The following CCDC81 variants were observed in gnomAD, a reference collection of about 807,000 sequenced individuals.
CCDC81 encodes coiled-coil domain-containing protein 81.
Under a neutral mutation model 83.7 loss-of-function variants are expected in CCDC81, and 79 were observed. The ratio of observed to expected loss-of-function variants is 0.94; its 90% CI spans 0.79 to 1.14. The LOEUF (loss-of-function observed/expected upper bound fraction) is 1.14. Ranked by LOEUF, CCDC81 falls within the 50% of genes most tolerant of loss-of-function variation. The probability of loss-of-function intolerance (pLI) is 0.00; values close to 1 mark genes in which losing one functional copy is unlikely to be tolerated. For synonymous variants in CCDC81, 252 were observed against 278.1 expected (o/e 0.91, Z 0.93); for missense variants, 791 against 778.1 (o/e 1.02, Z -0.20).
chr11:86,409,969 G>A (rs544490297), intron 10 of CCDC81, among the ~76,000 whole-genome samples: 2 of 152,280 alleles, frequency 1.3e-5, no homozygotes, highest in African/African-American at 4.8e-5. Context: ...TCCAGCCCAA[G>A]GACCTAAGAG....
At chr11:86,387,398 C>A (rs1948257313) in intron 2 of CCDC81, 118 bp from the exon 3 acceptor site, 1 of 844,678 alleles carries the variant, frequency 1.2e-6, no homozygotes, top group African/African-American at 1.7e-5. Flanking sequence ...TCCTAGAGAT[C>A]ACTGAATTTT....
intron 7 of CCDC81, among the ~76,000 whole-genome samples, chr11:86,402,166 A>C (rs550798445): frequency 6.6e-6 from 1 of 151,344 alleles, no homozygotes. Flanking sequence ...AGTTAACCAA[A>C]AAATGTTTTT....
chr11:86,409,204 C>T, intron 9 of CCDC81, 57 bp from the exon 10 acceptor site: 2 of 846,344 alleles, frequency 2.4e-6, no homozygotes, highest in Non-Finnish European at 3.4e-6. Context: ...TTGGGGGCTC[C>T]ACTTCAATAT....
Position 86,375,006 on chromosome 11 carries a change from T to C in CCDC81, c.-158T>C. The stretch of plus-strand genomic sequence containing the variant: ...TTTATTTAAGAAAGAAGAAAAAGAG[T>C]CAAGAAGTTCAAGATTTTCGTCACT... On this transcript the variant is annotated 5_prime_UTR_variant, in exon 1 of 15. Transcript: ENST00000445632. 1.4e-6 allele frequency: 1 copy of C among 725,516 alleles called. No individual in the cohort carries two copies. Among genetic ancestry groups the C allele is most frequent in the East Asian group, 2.5e-5 (1 of 39,964 alleles). The allele number at this position is 725,516 out of a possible 1,614,324, so 44.9% of individuals were successfully genotyped here. A position where few individuals can be genotyped will look rare whatever the true frequency, so the allele number is the denominator to read the frequency against.
chr11:86,421,213 G>T lies in CCDC81; in HGVS notation c.1817+1160G>T, dbSNP rs560477104. ...TAAAACCAAAGTCCATATGTATGCA[G>T]TTAGCACATGATACTCTGTTCCATT... On this transcript the variant is annotated intron_variant, in intron 14 of 14. Transcript: ENST00000445632. Among the ~76,000 whole-genome samples, 31 of 152,322 alleles carry T rather than the reference G, an allele frequency of 2.0e-4. No homozygotes were observed. In the South Asian group the frequency reaches 3.5e-3, roughly 17 times the overall value.
chr11:86,384,792 T>C (rs1190164254), intron 1 of CCDC81, among the ~76,000 whole-genome samples: 1 of 152,158 alleles, frequency 6.6e-6, no homozygotes. Flanking sequence ...TTGCAGAGAG[T>C]TCTTAACTGG....
chr11:86,412,577 C>G lies in CCDC81; in HGVS notation c.1391+18C>G, dbSNP rs200715403. On this transcript the variant is annotated intron_variant, in intron 11 of 14. Coordinates refer to ENST00000445632, the MANE Select transcript of CCDC81 (RefSeq NM_001156474.2). ...ACAGAGGAGTGAGTCCAGCTACACACGCTCTGACAAATGGATTTGGAATTT... is the reference window on the plus strand; with the variant it reads ...ACAGAGGAGTGAGTCCAGCTACACAGGCTCTGACAAATGGATTTGGAATTT... 6.4e-7 allele frequency: 1 copy of G among 1,570,816 alleles called. No homozygotes were observed. The highest frequency in any genetic ancestry group is 1.2e-5 in the South Asian group (1 of 83,394).
At chr11:86,397,882 C>T (rs753363684) in intron 6 of CCDC81, 140 bp downstream of exon 6, 23 of 949,246 alleles carry the variant, frequency 2.4e-5, no homozygotes, top group Middle Eastern at 3.8e-4. Context: ...GATGGAGTCT[C>T]GCTGTTGCCC....
Position 86,386,121 on chromosome 11 carries a change from TATTAATTTATTAATTTATTAATAA to T in CCDC81, c.141+26_141+49del, listed in dbSNP as rs572214522. The stretch of plus-strand genomic sequence containing the variant: ...AGTTAACCCTGCACAAGGTAAGATT[TATTAATTTATTAATTTATTAATAA>T]ATTAATTTATTAATTTTAATGTAGG... On this transcript the variant is annotated intron_variant, in intron 2 of 14. Transcript: ENST00000445632. 4.4e-4 allele frequency: 385 copies of T among 876,544 alleles called. 32 individuals carry two copies. Among genetic ancestry groups the T allele is most frequent in the South Asian group, 3.4e-3 (103 of 30,116 alleles). 54.3% of individuals were successfully genotyped at this position (876,544 alleles called of 1,614,324 possible). A position where few individuals can be genotyped will look rare whatever the true frequency, so the allele number is the denominator to read the frequency against.
intron 11 of CCDC81, among the ~76,000 whole-genome samples, chr11:86,412,911 C>T (rs550396270): frequency 6.6e-6 from 1 of 152,250 alleles, no homozygotes; most frequent in East Asian, 1.9e-4. Flanking sequence ...TTTAGTTTAG[C>T]CATCTGTAGG....
intron 1 of CCDC81, among the ~76,000 whole-genome samples, chr11:86,377,770 T>G (rs1948117241): frequency 6.6e-6 from 1 of 152,160 alleles, no homozygotes; most frequent in Non-Finnish European, 1.5e-5. Flanking sequence ...TTTTAAATTT[T>G]AATGAAGTCC....
intron 7 of CCDC81, among the ~76,000 whole-genome samples, chr11:86,401,823 G>A (rs1389659066): frequency 6.6e-6 from 1 of 152,162 alleles, no homozygotes; most frequent in Admixed American, 6.6e-5. Flanking sequence ...ACTCAAAAAT[G>A]TTTGTTTCCT....
intron 9 of CCDC81, 22 bp downstream of exon 9, chr11:86,408,292 T>A (rs1418377470): frequency 1.3e-6 from 2 of 1,594,480 alleles, no homozygotes; most frequent in Non-Finnish European, 8.5e-7. Context: ...CCTCGATTAG[T>A]CTTTAATATG....
At position 86,414,794 on chromosome 11, in the gene CCDC81, C is replaced by T; in HGVS notation, c.1397C>T (p.Ala466Val). 1 of 1,608,410 alleles carries T rather than the reference C, an allele frequency of 6.2e-7. No homozygotes were observed. Among genetic ancestry groups the T allele is most frequent in the Non-Finnish European group, 8.5e-7 (1 of 1,178,500 alleles). The change falls in exon 12 of 15, where the codon GCT (alanine) becomes GTT (valine). Residue 466 changes from alanine to valine, a missense_variant. Transcript: ENST00000445632. ...LEQVQLTEEL[A>V]AQRAKFLKDK... The stretch of plus-strand genomic sequence containing the variant: ...CTCTTGTTCTTAACTGCCAGACTTG[C>T]TGCGCAAAGAGCGAAATTTTTAAAA...
At position 86,375,255 on chromosome 11, in the gene CCDC81, G is replaced by C; in HGVS notation, c.79+13G>C. ...CTGAGCCAGGAGGGTAAGCGTGTTG[G>C]GTAGCAGGGGGTGGCCCTGGGGATT... is the stretch of plus-strand genomic sequence containing the variant. On this transcript the variant is annotated intron_variant, in intron 1 of 14. Coordinates refer to ENST00000445632, the MANE Select transcript of CCDC81 (RefSeq NM_001156474.2). The C allele has an allele frequency of 6.2e-7, 1 of 1,603,124 alleles. No individual in the cohort carries two copies. The highest frequency in any genetic ancestry group is 8.5e-7 in the Non-Finnish European group (1 of 1,176,830).
At chr11:86,412,070 T>C (rs1343541088) in intron 10 of CCDC81, among the ~76,000 whole-genome samples, 1 of 152,214 alleles carries the variant, frequency 6.6e-6, no homozygotes, top group Admixed American at 6.5e-5. Context: ...TTGAGACTGA[T>C]CTCTCATCTC....
chr11:86,422,790 C>A lies in CCDC81; in HGVS notation c.*75C>A. ...ATGTTTGGGGGTGATTGTGAAACTG[C>A]GTATTTTTACCTCAGAGAAAAAAAT... On this transcript the variant is annotated 3_prime_UTR_variant, in exon 15 of 15. Coordinates refer to ENST00000445632, the MANE Select transcript of CCDC81 (RefSeq NM_001156474.2). 1.4e-6 allele frequency: 2 copies of A among 1,391,456 alleles called. No homozygotes were observed. The highest frequency in any genetic ancestry group is 2.7e-5 in the South Asian group (2 of 74,672). 86.2% of individuals were successfully genotyped at this position (1,391,456 alleles called of 1,614,324 possible). A position where few individuals can be genotyped will look rare whatever the true frequency, so the allele number is the denominator to read the frequency against.
chr11:86,385,025 A>C (rs967350398), intron 1 of CCDC81, among the ~76,000 whole-genome samples: 3 of 152,216 alleles, frequency 2.0e-5, no homozygotes, highest in Admixed American at 1.3e-4. Context: ...GTCAAAATTG[A>C]TAGTGCCAAG....
intron 10 of CCDC81, among the ~76,000 whole-genome samples, chr11:86,411,104 C>T (rs1948636345): frequency 6.6e-6 from 1 of 152,176 alleles, no homozygotes; most frequent in African/African-American, 2.4e-5. Context: ...CACTGGCCTC[C>T]CATTGAGTTA....
Sources: gnomAD v4.1 joint callset for allele counts (sites outside exome capture counted in the v4.1 genomes callset) on GRCh38, gnomAD v4.1.1 for gene constraint, MANE v1.5 for transcripts, NCBI Gene and HGNC (gene_info 2026-07-23, HGNC 2026-07-21) for gene names.